The following DOCK5 variants were observed in gnomAD, a reference collection of about 807,000 sequenced individuals.
The protein encoded by DOCK5 is dedicator of cytokinesis protein 5.
A neutral mutation model predicts 251.8 loss-of-function variants in DOCK5; 142 were observed. That is an observed-to-expected ratio of 0.56 (90% confidence interval 0.49 to 0.65). DOCK5 has a LOEUF of 0.65. DOCK5 is among the 30% of genes least tolerant of loss of function. The probability of loss-of-function intolerance (pLI) is 0.00; values close to 1 mark genes in which losing one functional copy is unlikely to be tolerated. For synonymous variants in DOCK5, 842 were observed against 835.5 expected, an observed-to-expected ratio of 1.01 and a Z score of -0.13; for missense variants, 2,111 against 2,312.3, an observed-to-expected ratio of 0.91 and a Z score of 1.79.
chr8:25,286,272 G>T (rs186675917), intron 5 of DOCK5, among the ~76,000 whole-genome samples: 1 of 152,042 alleles, frequency 6.6e-6, no homozygotes, highest in African/African-American at 2.4e-5. Flanking sequence ...TTGATTCAAC[G>T]CCAACTGAGT....
At chr8:25,321,117 T>G (rs1805414406) in intron 16 of DOCK5, 65 bp downstream of exon 16, 1 of 1,372,562 alleles carries the variant, frequency 7.3e-7, no homozygotes. Flanking sequence ...TTGACAGCCA[T>G]CTTGTGAAGC....
intron 1 of DOCK5, among the ~76,000 whole-genome samples, chr8:25,207,490 A>G (rs1334848457): frequency 1.3e-5 from 2 of 152,208 alleles, no homozygotes; most frequent in African/African-American, 4.8e-5. Context: ...TGGTGACTTT[A>G]AATTGAAACC....
intron 2 of DOCK5, among the ~76,000 whole-genome samples, chr8:25,255,874 G>A (rs1803408409): frequency 6.6e-6 from 1 of 152,158 alleles, no homozygotes; most frequent in African/African-American, 2.4e-5. Context: ...AGCATATAAG[G>A]AGACTTCTGT....
At chr8:25,321,081 T>G (rs948114422) in intron 16 of DOCK5, 29 bp downstream of exon 16, 5 of 1,601,814 alleles carry the variant, frequency 3.1e-6, no homozygotes, top group Non-Finnish European at 4.3e-6. Flanking sequence ...ATGACATATT[T>G]CCACTTAAAA....
At chr8:25,309,836 A>G (rs1183900722) in intron 12 of DOCK5, among the ~76,000 whole-genome samples, 1 of 152,048 alleles carries the variant, frequency 6.6e-6, no homozygotes, top group Non-Finnish European at 1.5e-5. Context: ...AAAAAAAAAG[A>G]AAGAAAGACA....
At chr8:25,279,010 A>G (rs192316138) in intron 5 of DOCK5, among the ~76,000 whole-genome samples, 16 of 152,338 alleles carry the variant, frequency 1.1e-4, no homozygotes, top group Admixed American at 1.0e-3. Context: ...AGTAGGTGCA[A>G]TTATTATTAA....
chr8:25,364,978 C>T (rs192823819), intron 30 of DOCK5, among the ~76,000 whole-genome samples: 199 of 152,244 alleles, frequency 1.3e-3, no homozygotes, highest in African/African-American at 4.5e-3. Flanking sequence ...TCCTCCTTGT[C>T]GCTATAAACA....
At chr8:25,285,642 G>A (rs945107970) in intron 5 of DOCK5, among the ~76,000 whole-genome samples, 2 of 152,100 alleles carry the variant, frequency 1.3e-5, no homozygotes, top group African/African-American at 4.8e-5. Context: ...TCCCATCATC[G>A]CATATCCAGG....
chr8:25,226,641 A>G (rs903981413), intron 1 of DOCK5, among the ~76,000 whole-genome samples: 2 of 146,390 alleles, frequency 1.4e-5, no homozygotes, highest in African/African-American at 2.6e-5. Context: ...ATTGGAGTGC[A>G]GTGGCGTGAT....
At chr8:25,300,773 C>T in intron 9 of DOCK5, 116 bp downstream of exon 9, 1 of 1,130,722 alleles carries the variant, frequency 8.8e-7, no homozygotes, top group Admixed American at 2.4e-5. Flanking sequence ...CATCAATCTG[C>T]CTAGCAGGAA....
At chr8:25,290,335 A>T (rs1804453825) in intron 5 of DOCK5, among the ~76,000 whole-genome samples, 1 of 152,226 alleles carries the variant, frequency 6.6e-6, no homozygotes, top group South Asian at 2.1e-4. Flanking sequence ...ATTGCAAAAA[A>T]AATATGATAA....
At chr8:25,286,610 A>G (rs1353020807) in intron 5 of DOCK5, among the ~76,000 whole-genome samples, 1 of 151,636 alleles carries the variant, frequency 6.6e-6, no homozygotes, top group Non-Finnish European at 1.5e-5. Context: ...ATGGAATGGT[A>G]GAAGACCAGA....
chr8:25,331,795 TATATATAGAGAG>T (rs1345432127), intron 18 of DOCK5, among the ~76,000 whole-genome samples: 488 of 36,494 alleles, frequency 0.013, 5 homozygotes, highest in South Asian at 0.066. Flanking sequence ...TATATATATA[TATATATAGAGAG>T]AGAGAGAGAG....
Position 25,243,720 on chromosome 8 carries a change from G to T in DOCK5, c.90G>T (p.Gln30His). Reference protein sequence around the residue: ...NASQDVELSLQIGDTVHILEM... With the variant: ...NASQDVELSLHIGDTVHILEM... ...CTCAAGATGTGGAGCTCTCCTTGCA[G>T]ATCGGTGACACAGTTCACATCCTGG... Residue 30 changes from glutamine (Q) to histidine (H), a missense_variant, in exon 2 of 52, where the codon CAG becomes CAT. Gln to His is a conservative substitution (Grantham distance 24). This residue lies in a region of DOCK5 where 335 missense variants were observed against 324.9 expected (regional missense o/e 1.03). Transcript: ENST00000276440. 8 of 1,613,784 alleles carry T rather than the reference G, an allele frequency of 5.0e-6. No individual in the cohort carries two copies. The highest frequency in any genetic ancestry group is 6.8e-6 in the Non-Finnish European group (8 of 1,179,754).
Position 25,238,796 on chromosome 8 carries a change from T to C in DOCK5, c.44-4878T>C, listed in dbSNP as rs192993342. Among the ~76,000 whole-genome samples, 1,022 of 149,750 alleles carry C rather than the reference T, an allele frequency of 6.8e-3. 10 individuals are homozygous for C. Among genetic ancestry groups the C allele is most frequent in the African/African-American group, 0.024 (974 of 41,430 alleles). ...GGATTTTATAGAAGAGATAAAAATATGTGTTTTTAAAATATATTCTTTTCT... is the reference window on the plus strand; with the variant it reads ...GGATTTTATAGAAGAGATAAAAATACGTGTTTTTAAAATATATTCTTTTCT... On this transcript the variant is annotated intron_variant, in intron 1 of 51. Coordinates refer to ENST00000276440, the MANE Select transcript of DOCK5 (RefSeq NM_024940.8).
At chr8:25,323,510 A>G (rs1364303225) in intron 16 of DOCK5, among the ~76,000 whole-genome samples, 1 of 152,138 alleles carries the variant, frequency 6.6e-6, no homozygotes, top group Non-Finnish European at 1.5e-5. Context: ...TGAAGTCAGG[A>G]AGGACAGCAA....
chr8:25,323,656 AGAGGAGAGCATACTT>A (rs1404510699), intron 16 of DOCK5, among the ~76,000 whole-genome samples, 177 bp from the exon 17 acceptor site: 38 of 152,298 alleles, frequency 2.5e-4, no homozygotes, highest in Admixed American at 1.6e-3. Context: ...GGATGTAGGA[AGAGGAGAGCATACTT>A]GGGGGTGCCA....
At chr8:25,331,076 C>T (rs544338140) in intron 18 of DOCK5, among the ~76,000 whole-genome samples, 4 of 151,748 alleles carry the variant, frequency 2.6e-5, no homozygotes, top group Non-Finnish European at 5.9e-5. Flanking sequence ...ACTACTGCAC[C>T]CCAGCCCGGG....
At chr8:25,195,251 C>CTTT (rs59704416) in intron 1 of DOCK5, among the ~76,000 whole-genome samples, 1,821 of 106,170 alleles carry the variant, frequency 0.017, 25 homozygotes, top group Non-Finnish European at 0.021. Context: ...CTCCTTATCA[C>CTTT]TTTTTTTTTT....
Sources: allele counts gnomAD v4.1 joint callset (sites outside exome capture counted in the v4.1 genomes callset), GRCh38; gene constraint gnomAD v4.1.1; regional missense constraint gnomAD v4.1.1; transcripts MANE v1.5; gene names NCBI Gene and HGNC (gene_info 2026-07-23, HGNC 2026-07-21).